The following TRIM66 variants were observed in gnomAD, a reference collection of about 807,000 sequenced individuals.
The protein encoded by TRIM66 is tripartite motif-containing protein 66.
In TRIM66, 99 loss-of-function variants were observed where a neutral mutation model predicts 148.2. The ratio of observed to expected loss-of-function variants is 0.67; its 90% CI spans 0.57 to 0.79. TRIM66 has a LOEUF of 0.79. TRIM66 is among the 30% of genes least tolerant of loss of function. TRIM66 has a pLI of 0.00. For missense variants in TRIM66, 1,666 were observed against 1,697.9 expected (o/e 0.98, Z 0.33); for synonymous variants, 616 against 635.9 (o/e 0.97, Z 0.47).
rs1221245536 is a variant in TRIM66 at position 8,619,405 on chromosome 11, C to G, written c.3878G>C (p.Trp1293Ser). 1.3e-6 allele frequency: 2 copies of G among 1,525,914 alleles called. No homozygotes were observed. Among genetic ancestry groups the G allele is most frequent in the East Asian group, 4.9e-5 (2 of 40,716 alleles). 94.5% of individuals were successfully genotyped at this position (1,525,914 alleles called of 1,614,324 possible). A position where few individuals can be genotyped will look rare whatever the true frequency, so the allele number is the denominator to read the frequency against. ...EVVSDVRLMF[W>S]NCAKFNYPDS... The stretch of plus-strand genomic sequence containing the variant: ...TACATAATTGAACTTAGCACAGTTC[C>G]AGAACATGAGGCGCACATCTGATAC... The change falls in exon 23 of 25, where the codon TGG becomes TCG. Residue 1293 changes from tryptophan to serine, a missense_variant. By Grantham distance (177) the Trp-to-Ser change is radical. This residue lies in a region of TRIM66 where 204 missense variants were observed against 231.0 expected (regional missense o/e 0.88). Transcript: ENST00000646038.
chr11:8,676,482 C>T (rs1460339778), intron 3 of TRIM66, among the ~76,000 whole-genome samples: 2 of 152,210 alleles, frequency 1.3e-5, no homozygotes, highest in Non-Finnish European at 2.9e-5. Flanking sequence ...TGGAGAACTA[C>T]TGCATTAGAC....
rs2033751180 is a variant in TRIM66 at position 8,616,828 on chromosome 11, A to G, written c.*1116T>C. On this transcript the variant is annotated 3_prime_UTR_variant, in exon 25 of 25. Transcript: ENST00000646038. ...CCTCCAACAAAAAGGGCTGCCAGAA[A>G]AGTGTTGGCTTTTTTGGGGCTGTAG... 1 of 152,190 alleles carries G rather than the reference A, an allele frequency of 6.6e-6. No individual in the cohort carries two copies. Among genetic ancestry groups the G allele is most frequent in the Non-Finnish European group, 1.5e-5 (1 of 68,058 alleles). 9.4% of individuals were successfully genotyped at this position (152,190 alleles called of 1,614,324 possible).
chr11:8,617,619 C>T lies in TRIM66; in HGVS notation c.*325G>A. 1 of 336,988 alleles carries T rather than the reference C, an allele frequency of 3.0e-6. No individual in the cohort carries two copies. Among genetic ancestry groups the T allele is most frequent in the Non-Finnish European group, 5.4e-6 (1 of 185,266 alleles). The allele number at this position is 336,988 out of a possible 1,614,324, so 20.9% of individuals were successfully genotyped here. On this transcript the variant is annotated 3_prime_UTR_variant, in exon 25 of 25. Coordinates refer to ENST00000646038, the MANE Select transcript of TRIM66 (RefSeq NM_001388022.1). ...TAAAAGGTTAGACGGGTCTGCTTTC[C>T]CAGGCAGAAAAAAATTCACCAAGGA...
chr11:8,658,188 C>G (rs1390058549), intron 6 of TRIM66, among the ~76,000 whole-genome samples: 1 of 152,232 alleles, frequency 6.6e-6, no homozygotes, highest in Non-Finnish European at 1.5e-5. Context: ...TTGGTTGACT[C>G]CTCCTGTTTC....
In TRIM66 at chr11:8,621,670, G is replaced by A. The variant is rs912265222; in HGVS notation, c.3230C>T (p.Thr1077Ile). The A allele has an allele frequency of 1.3e-6, 2 of 1,545,578 alleles. No individual in the cohort carries two copies. Among genetic ancestry groups the A allele is most frequent in the African/African-American group, 1.4e-5 (1 of 72,772 alleles). Residue 1077 changes from threonine (T) to isoleucine (I), a missense_variant, in exon 19 of 25, where the codon ACT (threonine) becomes ATT (isoleucine). Transcript: ENST00000646038. ...GSFLLIIECG[T>I]ESSSMSIKVS... ...CTTAATGGACATGCTGGAGGACTCA[G>A]TGCCACACTCGATGATCAGCAGGAA...
intron 10 of TRIM66, 47 bp downstream of exon 10, chr11:8,647,923 C>T (rs1228337345): frequency 2.5e-5 from 36 of 1,444,508 alleles, no homozygotes; most frequent in East Asian, 4.9e-5. Flanking sequence ...CCTGGGTGTG[C>T]GGGAACAGAG....
At chr11:8,677,171 A>T (rs2039214892) in intron 3 of TRIM66, among the ~76,000 whole-genome samples, 1 of 152,102 alleles carries the variant, frequency 6.6e-6, no homozygotes, top group Non-Finnish European at 1.5e-5. Context: ...TAAAAATAAC[A>T]CTCATTTTAG....
At chr11:8,682,762 G>A (rs1320783758), upstream of TRIM66, 5 of 1,613,150 alleles carry the variant, frequency 3.1e-6, no homozygotes, top group East Asian at 2.2e-5. Context: ...CCCCGTGGCC[G>A]ATACCTCGCG....
At chr11:8,660,148 T>G (rs1300476561) in intron 6 of TRIM66, among the ~76,000 whole-genome samples, 1 of 152,154 alleles carries the variant, frequency 6.6e-6, no homozygotes, top group Non-Finnish European at 1.5e-5. Flanking sequence ...ATCAAAAACC[T>G]TCAATGGCTC....
chr11:8,642,681 A>G (rs986221327), intron 13 of TRIM66, among the ~76,000 whole-genome samples: 3 of 151,890 alleles, frequency 2.0e-5, no homozygotes, highest in Non-Finnish European at 4.4e-5. Flanking sequence ...ACTGCCATAC[A>G]GCATTCCGGA....
chr11:8,618,798 AGGCCACGGGAAGCCCTGGGGAGTG>A lies in TRIM66; in HGVS notation c.4047_4070del (p.Thr1350_Pro1357del), dbSNP rs2033920948. ...GTTGGATGCCCTCCTGCATGTAGGG[AGGCCACGGGAAGCCCTGGGGAGTG>A]GAACATCCACTCTCACTAGACACCT... On this transcript the variant is annotated inframe_deletion, in exon 24 of 25. Coordinates refer to ENST00000646038, the MANE Select transcript of TRIM66 (RefSeq NM_001388022.1). The A allele has an allele frequency of 6.4e-7, 1 of 1,551,088 alleles. No individual in the cohort carries two copies. Among genetic ancestry groups the A allele is most frequent in the Non-Finnish European group, 8.7e-7 (1 of 1,146,920 alleles).
chr11:8,658,863 C>A (rs1700067032), intron 6 of TRIM66: 1 of 948,092 alleles, frequency 1.1e-6, no homozygotes, highest in African/African-American at 1.8e-5. Flanking sequence ...GCTCCTGCCA[C>A]TTCACCTGAA....
Position 8,618,968 on chromosome 11 carries a change from G to C in TRIM66, c.3901C>G (p.Pro1301Ala), listed in dbSNP as rs2033939653. 3 of 1,551,330 alleles carry C rather than the reference G, an allele frequency of 1.9e-6. No homozygotes were observed. The East Asian group carries it at 7.3e-5, about 38-fold the overall frequency. Residue 1301 changes from proline to alanine, a missense_variant and splice_region_variant, in exon 24 of 25, where the codon CCT (proline) becomes GCT (alanine). This residue lies in a region of TRIM66 where 204 missense variants were observed against 231.0 expected (regional missense o/e 0.88). Transcript: ENST00000646038. ...CCAGCCTCTGCAACCTCGGAGTCAG[G>C]CTGATGGGGGAGGAGAGCAGTGATG... Reference protein sequence around the residue: ...MFWNCAKFNYPDSEVAEAGRC... With the variant: ...MFWNCAKFNYADSEVAEAGRC...
chr11:8,621,535 C>G, intron 19 of TRIM66, 110 bp downstream of exon 19: 2 of 1,383,842 alleles, frequency 1.4e-6, no homozygotes, highest in Non-Finnish European at 1.9e-6. Context: ...CAAGCTGCAG[C>G]CCCATCAGAG....
intron 15 of TRIM66, among the ~76,000 whole-genome samples, chr11:8,629,820 C>T (rs749571373): frequency 5.9e-5 from 9 of 152,120 alleles, no homozygotes; most frequent in African/African-American, 2.2e-4. Flanking sequence ...GAGGCCAATG[C>T]TATCAGGAGA....
intron 14 of TRIM66, among the ~76,000 whole-genome samples, chr11:8,639,890 T>C (rs1480604576): frequency 6.6e-6 from 1 of 152,148 alleles, no homozygotes; most frequent in Non-Finnish European, 1.5e-5. Flanking sequence ...AGAGACAGCC[T>C]CTCTTCTGCT....
chr11:8,631,479 T>A (rs2035393537), intron 15 of TRIM66, among the ~76,000 whole-genome samples: 1 of 152,228 alleles, frequency 6.6e-6, no homozygotes, highest in South Asian at 2.1e-4. Context: ...TTCTGTCTTA[T>A]TAAGCAGAGC....
At chr11:8,618,231 G>A (rs1220973495) in intron 24 of TRIM66, among the ~76,000 whole-genome samples, 1 of 152,220 alleles carries the variant, frequency 6.6e-6, no homozygotes, top group Non-Finnish European at 1.5e-5. Flanking sequence ...AAATATTTCA[G>A]TGGAATTAAA....
rs576995900 is a variant in TRIM66 at position 8,620,412 on chromosome 11, G to T, written c.3672+34C>A. On this transcript the variant is annotated intron_variant, in intron 21 of 24. Transcript: ENST00000646038. The stretch of plus-strand genomic sequence containing the variant: ...TGTAGGCAGAAGGGGGCTGCCAAAG[G>T]CAGGGAACCTTGTTTCCAAAGACTC... 1.2e-4 allele frequency: 188 copies of T among 1,550,646 alleles called. No individual in the cohort carries two copies. In the African/African-American group the frequency reaches 2.5e-3, roughly 21 times the overall value.
Sources: allele counts gnomAD v4.1 joint callset (sites outside exome capture counted in the v4.1 genomes callset), GRCh38; gene constraint gnomAD v4.1.1; regional missense constraint gnomAD v4.1.1; transcripts MANE v1.5; gene names NCBI Gene and HGNC (gene_info 2026-07-23, HGNC 2026-07-21).